Variants in FRMPD1 observed in about 807,000 individuals in gnomAD.
The protein encoded by FRMPD1 is FERM and PDZ domain-containing protein 1.
A neutral mutation model predicts 117.8 loss-of-function variants in FRMPD1; 76 were observed. That is an observed-to-expected ratio of 0.65 (90% CI 0.54 to 0.78). The LOEUF (loss-of-function observed/expected upper bound fraction) is 0.78, where lower values mean the gene tolerates loss of function less well. Ranked by LOEUF, FRMPD1 falls within the 30% of genes least tolerant of loss-of-function variation. FRMPD1 has a pLI of 0.00. For missense variants in FRMPD1, 1,786 were observed against 1,964.5 expected (o/e 0.91, Z 1.72); for synonymous variants, 783 against 770.4 (o/e 1.02, Z -0.27).
intron 7 of FRMPD1, among the ~76,000 whole-genome samples, chr9:37,729,013 G>A (rs1823741485): frequency 6.6e-6 from 1 of 150,748 alleles, no homozygotes; most frequent in African/African-American, 2.4e-5. Flanking sequence ...TGGGTGGTGG[G>A]ATTCTGTCTA....
In FRMPD1 at chr9:37,735,707, C is replaced by A; in HGVS notation, c.1374C>A (p.Val458=). ...ELTEESEKVS[V]VKVYLQDVKV... ...CGGAAGAGTCTGAGAAAGTGAGCGTCGTCAAAGTGTATCTTCAGGACGTCA... is the reference window on the plus strand; with the variant it reads ...CGGAAGAGTCTGAGAAAGTGAGCGTAGTCAAAGTGTATCTTCAGGACGTCA... The change falls in exon 13 of 16, where the codon GTC becomes GTA. Residue 458 remains valine (V), a synonymous_variant. Transcript: ENST00000377765. The A allele has an allele frequency of 6.2e-7, 1 of 1,613,598 alleles. No homozygotes were observed. Among genetic ancestry groups the A allele is most frequent in the South Asian group, 1.1e-5 (1 of 91,020 alleles).
At position 37,709,363 on chromosome 9, in the gene FRMPD1, T is replaced by C. The variant is rs113150657; in HGVS notation, c.362+862T>C. Among the ~76,000 whole-genome samples, 25 of 145,400 alleles carry C rather than the reference T, an allele frequency of 1.7e-4. No individual in the cohort carries two copies. In the East Asian group the frequency reaches 4.3e-3, roughly 25 times the overall value. On this transcript the variant is annotated intron_variant, in intron 4 of 15. Transcript: ENST00000377765. ...GTGGTATTAATTGTTTTTTTTTCCC[T>C]TTTTTTTTGAGATGGGGACTTGCTG...
intron 15 of FRMPD1, among the ~76,000 whole-genome samples, chr9:37,743,520 C>CTTTTTTTTTTT (rs531949141): frequency 4.9e-5 from 2 of 40,934 alleles, no homozygotes; most frequent in Non-Finnish European, 9.5e-5. Flanking sequence ...AATGGCTCTG[C>CTTTTTTTTTTT]TTTTTTTTTT....
intron 2 of FRMPD1, among the ~76,000 whole-genome samples, chr9:37,703,575 G>A (rs1446027183): frequency 6.6e-6 from 1 of 152,058 alleles, no homozygotes; most frequent in Non-Finnish European, 1.5e-5. Context: ...CATTTGAAGT[G>A]TACAATTCAA....
chr9:37,656,714 T>C (rs1374390043), intron 1 of FRMPD1, among the ~76,000 whole-genome samples: 1 of 152,028 alleles, frequency 6.6e-6, no homozygotes, highest in Non-Finnish European at 1.5e-5. Flanking sequence ...TTCAGTTAAC[T>C]ATCTGCCTGA....
chr9:37,707,760 T>C (rs533484541), intron 3 of FRMPD1, among the ~76,000 whole-genome samples, 187 bp downstream of exon 3: 18 of 152,374 alleles, frequency 1.2e-4, no homozygotes, highest in African/African-American at 4.1e-4. Flanking sequence ...AAGCCTCAAG[T>C]GCACTTGCCG....
At chr9:37,637,965 TTTC>T in the FRMPD1 span, among the ~76,000 whole-genome samples, 2 of 24,722 alleles carry the variant, frequency 8.1e-5, no homozygotes, top group Middle Eastern at 0.031. Flanking sequence ...TGGTGTATGC[TTTC>T]TTTCTTTCTT....
chr9:37,637,963 G>GCTTTTCTTT, the FRMPD1 span, among the ~76,000 whole-genome samples: 1 of 100,130 alleles, frequency 1.0e-5, no homozygotes. Context: ...AATGGTGTAT[G>GCTTTTCTTT]CTTTCTTTCT....
At chr9:37,695,733 A>G (rs1215426728) in intron 2 of FRMPD1, among the ~76,000 whole-genome samples, 1 of 152,108 alleles carries the variant, frequency 6.6e-6, no homozygotes, top group Non-Finnish European at 1.5e-5. Flanking sequence ...AATCCCCTGC[A>G]TCCACCCCAT....
In FRMPD1 at chr9:37,740,996, C is replaced by T. The variant is rs1380772591; in HGVS notation, c.2356+112C>T. 4 of 801,634 alleles carry T rather than the reference C, an allele frequency of 5.0e-6. No individual in the cohort carries two copies. The South Asian group carries it at 5.8e-5, about 12-fold the overall frequency. 49.7% of individuals were successfully genotyped at this position (801,634 alleles called of 1,614,324 possible). A position where few individuals can be genotyped will look rare whatever the true frequency, so the allele number is the denominator to read the frequency against. On this transcript the variant is annotated intron_variant, in intron 15 of 15. Transcript: ENST00000377765. The surrounding 1 kb of genome is among the most constrained non-coding windows in gnomAD (Gnocchi z 4.2). ...GAAGGCACATGAGTGAAACAGGGTC[C>T]CTGTACACTTCTGAGGAGGTAGATA...
At chr9:37,664,305 G>GTATGTATT (rs570622451) in intron 1 of FRMPD1, among the ~76,000 whole-genome samples, 5 of 149,420 alleles carry the variant, frequency 3.3e-5, no homozygotes, top group South Asian at 2.1e-4. Flanking sequence ...ATGTATGTAT[G>GTATGTATT]TATTTATTTA....
At chr9:37,701,518 T>C (rs942273068) in intron 2 of FRMPD1, among the ~76,000 whole-genome samples, 1 of 71,204 alleles carries the variant, frequency 1.4e-5, no homozygotes. Flanking sequence ...TACGTGTGTG[T>C]GTGTGTGTGT....
intron 1 of FRMPD1, among the ~76,000 whole-genome samples, chr9:37,653,973 G>A (rs534973938): frequency 5.3e-5 from 8 of 152,104 alleles, no homozygotes; most frequent in Non-Finnish European, 8.8e-5. Flanking sequence ...AAAAAAAGAA[G>A]ACAGAGGGTG....
intron 1 of FRMPD1, among the ~76,000 whole-genome samples, chr9:37,681,212 CAAAAAAAAAA>C (rs72098221): frequency 1.2e-5 from 1 of 85,666 alleles, no homozygotes; most frequent in Non-Finnish European, 2.2e-5. Flanking sequence ...GACTCTGTCT[CAAAAAAAAAA>C]AAAAAAAGAA....
At chr9:37,631,190 G>GA in the FRMPD1 span, among the ~76,000 whole-genome samples, 1 of 151,892 alleles carries the variant, frequency 6.6e-6, no homozygotes, top group Non-Finnish European at 1.5e-5. Context: ...CTTCGATGTT[G>GA]AAAAAATGGT....
chr9:37,609,921 A>G, the FRMPD1 span, among the ~76,000 whole-genome samples: 1 of 152,038 alleles, frequency 6.6e-6, no homozygotes, highest in African/African-American at 2.4e-5. Flanking sequence ...TGCTTTCCCC[A>G]ACACCCTATC....
At position 37,737,188 on chromosome 9, in the gene FRMPD1, C is replaced by T. The variant is rs2118446949; in HGVS notation, c.1494C>T (p.Ser498=). The T allele has an allele frequency of 1.2e-6, 2 of 1,614,082 alleles. No homozygotes were observed. The highest frequency in any genetic ancestry group is 2.2e-5 in the East Asian group (1 of 44,870). The stretch of plus-strand genomic sequence containing the variant: ...GGCTGTTGGTTGACCCAGTTACCTC[C>T]ATTTTCCTCTGGCCTGGAAACAAAC... ...YYRLLVDPVT[S]IFLWPGNKQQ... is the part of the protein sequence containing the mutation. The change falls in exon 14 of 16, where the codon TCC becomes TCT. Residue 498 remains serine (S), a synonymous_variant. Coordinates refer to ENST00000377765, the MANE Select transcript of FRMPD1 (RefSeq NM_014907.3).
intron 5 of FRMPD1, among the ~76,000 whole-genome samples, chr9:37,717,763 T>C (rs1823214686): frequency 6.6e-6 from 1 of 152,166 alleles, no homozygotes; most frequent in African/African-American, 2.4e-5. Flanking sequence ...AACTTGATAT[T>C]TGACCATCTT....
chr9:37,636,323 C>G, the FRMPD1 span, among the ~76,000 whole-genome samples: 1 of 152,148 alleles, frequency 6.6e-6, no homozygotes, highest in South Asian at 2.1e-4. Flanking sequence ...AGAAGGACAG[C>G]AGGAAGAAGG....
Sources: gnomAD v4.1 joint callset for allele counts (sites outside exome capture counted in the v4.1 genomes callset) on GRCh38, gnomAD v4.1.1 for gene constraint, Gnocchi (gnomAD v3.1) non-coding constraint, MANE v1.5 for transcripts, NCBI Gene and HGNC (gene_info 2026-07-23, HGNC 2026-07-21) for gene names.